The following AGPS variants were observed in gnomAD, a reference collection of about 807,000 sequenced individuals.
AGPS encodes the protein alkyldihydroxyacetonephosphate synthase, peroxisomal.
In AGPS, 26 loss-of-function variants were observed where a neutral mutation model predicts 90.7. That is an observed-to-expected ratio of 0.29 (90% confidence interval 0.21 to 0.40). The LOEUF (loss-of-function observed/expected upper bound fraction) is 0.40, where lower values mean the gene tolerates loss of function less well. AGPS is among the 10% of genes least tolerant of loss of function. The pLI, the probability that AGPS is intolerant of heterozygous loss-of-function variation, is 1.00. For synonymous variants in AGPS, 294 were observed against 285.3 expected, an observed-to-expected ratio of 1.03 and a Z score of -0.31; for missense variants, 540 against 816.1, an observed-to-expected ratio of 0.66 and a Z score of 4.12.
intron 11 of AGPS, 89 bp downstream of exon 11, chr2:177,482,275 A>C (rs1687969566): frequency 1.4e-6 from 1 of 702,400 alleles, no homozygotes; most frequent in East Asian, 4.0e-5. Context: ...TGATTGTGAT[A>C]TGTTACAACT....
chr2:177,414,406 G>A (rs766352283), intron 1 of AGPS, among the ~76,000 whole-genome samples: 1 of 151,842 alleles, frequency 6.6e-6, no homozygotes, highest in Non-Finnish European at 1.5e-5. Flanking sequence ...TAGGGGTCCC[G>A]CTGTATTGCT....
chr2:177,477,886 A>G (rs963216488), intron 10 of AGPS, among the ~76,000 whole-genome samples: 1 of 152,154 alleles, frequency 6.6e-6, no homozygotes, highest in African/African-American at 2.4e-5. Context: ...TGCTTTTTAA[A>G]TCAGATGTGA....
intron 19 of AGPS, among the ~76,000 whole-genome samples, chr2:177,531,606 C>G (rs1388881615): frequency 6.6e-6 from 1 of 151,932 alleles, no homozygotes; most frequent in Admixed American, 6.6e-5. Flanking sequence ...CATTTTCTGC[C>G]AAAATTTCAG....
chr2:177,528,618 T>C (rs2079110064), intron 19 of AGPS, among the ~76,000 whole-genome samples: 1 of 152,208 alleles, frequency 6.6e-6, no homozygotes, highest in Non-Finnish European at 1.5e-5. Flanking sequence ...TCCTCTTGTG[T>C]AGTTTCTGTA....
At chr2:177,483,839 G>A (rs1444357095) in intron 11 of AGPS, among the ~76,000 whole-genome samples, 1 of 152,140 alleles carries the variant, frequency 6.6e-6, no homozygotes, top group Non-Finnish European at 1.5e-5. Flanking sequence ...TGAGCACTGA[G>A]TGGTGACATT....
chr2:177,450,619 T>C (rs1480845690), intron 8 of AGPS, among the ~76,000 whole-genome samples: 3 of 152,200 alleles, frequency 2.0e-5, no homozygotes, highest in Non-Finnish European at 2.9e-5. Context: ...TGTCTGCTTC[T>C]AGTTCTGGAC....
At position 177,530,109 on chromosome 2, in the gene AGPS, A is replaced by G. The variant is rs572593727; in HGVS notation, c.1855+6304A>G. On this transcript the variant is annotated intron_variant, in intron 19 of 19. Transcript: ENST00000264167. The stretch of plus-strand genomic sequence containing the variant: ...CCTTAACCATTAAAGAAAGGATTAC[A>G]GTGTATTTGAGAAAGATCCATACAT... Among the ~76,000 whole-genome samples the G allele has an allele frequency of 2.1e-3, 327 of 152,342 alleles. 1 individual carries two copies. The highest frequency in any genetic ancestry group is 7.2e-3 in the African/African-American group (301 of 41,590).
chr2:177,431,947 A>C (rs1037897512), intron 2 of AGPS, among the ~76,000 whole-genome samples: 49 of 152,316 alleles, frequency 3.2e-4, no homozygotes, highest in African/African-American at 1.1e-3. Context: ...TAAGAGTATT[A>C]ATTTTGGGAA....
At chr2:177,466,598 A>C (rs1687454496) in intron 9 of AGPS, among the ~76,000 whole-genome samples, 1 of 152,204 alleles carries the variant, frequency 6.6e-6, no homozygotes, top group African/African-American at 2.4e-5. Flanking sequence ...GCCAGCACTT[A>C]TCCTCCCTTC....
intron 19 of AGPS, among the ~76,000 whole-genome samples, chr2:177,524,948 G>A (rs1207686789): frequency 6.6e-6 from 1 of 152,144 alleles, no homozygotes; most frequent in Non-Finnish European, 1.5e-5. Context: ...AGCTCCCAAC[G>A]TCATTGTGTC....
intron 9 of AGPS, 132 bp downstream of exon 9, chr2:177,462,150 G>A: frequency 2.9e-6 from 2 of 697,890 alleles, no homozygotes; most frequent in Non-Finnish European, 4.3e-6. Context: ...CAGCACTTTG[G>A]GAGGCCGAGG....
intron 8 of AGPS, among the ~76,000 whole-genome samples, chr2:177,458,122 T>C (rs1392894864): frequency 6.6e-6 from 1 of 152,140 alleles, no homozygotes; most frequent in Non-Finnish European, 1.5e-5. Context: ...AGAAAAGGCC[T>C]TCAATAAAAT....
intron 6 of AGPS, among the ~76,000 whole-genome samples, 155 bp from the exon 7 acceptor site, chr2:177,442,252 T>C (rs1686628951): frequency 6.6e-6 from 1 of 152,322 alleles, no homozygotes; most frequent in East Asian, 1.9e-4. Context: ...TTGCTTTTAG[T>C]GTGTTAGCAT....
chr2:177,493,113 A>G, intron 11 of AGPS, 35 bp from the exon 12 acceptor site: 1 of 1,575,788 alleles, frequency 6.3e-7, no homozygotes, highest in Non-Finnish European at 8.7e-7. Flanking sequence ...TACTGTATTA[A>G]ATTTGTATCA....
At chr2:177,470,823 G>T (rs181138697) in intron 10 of AGPS, among the ~76,000 whole-genome samples, 129 of 151,694 alleles carry the variant, frequency 8.5e-4, no homozygotes, top group Middle Eastern at 3.4e-3. Context: ...ACTGATAAAA[G>T]AGCATGAACC....
At chr2:177,519,616 A>G (rs1303681760) in intron 17 of AGPS, among the ~76,000 whole-genome samples, 1 of 152,210 alleles carries the variant, frequency 6.6e-6, no homozygotes, top group Non-Finnish European at 1.5e-5. Flanking sequence ...AGAACTGAAC[A>G]GTGTCTTTGT....
chr2:177,446,713 A>G (rs886602013), intron 8 of AGPS, among the ~76,000 whole-genome samples: 6 of 152,204 alleles, frequency 3.9e-5, no homozygotes, highest in Non-Finnish European at 2.9e-5. Context: ...AGACTGCAAC[A>G]ATAATTTAGG....
At chr2:177,535,096 C>T (rs2079172112) in intron 19 of AGPS, among the ~76,000 whole-genome samples, 1 of 152,082 alleles carries the variant, frequency 6.6e-6, no homozygotes, top group Non-Finnish European at 1.5e-5. Flanking sequence ...ATTTATACTT[C>T]TAGAGCATCA....
In AGPS at chr2:177,481,638, GT is replaced by G. The variant is rs979196583; in HGVS notation, c.1106-414del. ...TCTTAGATTCTCATTGAAGGTTAGG[GT>G]TTTTTTGCCCAATAAATTGTTTTTA... On this transcript the variant is annotated intron_variant, in intron 10 of 19. Coordinates refer to ENST00000264167, the MANE Select transcript of AGPS (RefSeq NM_003659.4). 2.6e-5 allele frequency among the ~76,000 whole-genome samples: 4 copies of G among 151,510 alleles called. No homozygotes were observed. The East Asian group carries it at 5.8e-4, about 22-fold the overall frequency.
Sources: gnomAD v4.1 joint callset for allele counts (sites outside exome capture counted in the v4.1 genomes callset) on GRCh38, gnomAD v4.1.1 for gene constraint, MANE v1.5 for transcripts, NCBI Gene and HGNC (gene_info 2026-07-23, HGNC 2026-07-21) for gene names.